KPNA1: variants seen among roughly 807,000 people sequenced by gnomAD.
The protein encoded by KPNA1 is importin subunit alpha-5.
A neutral mutation model predicts 70.5 loss-of-function variants in KPNA1; 10 were observed. The observed-to-expected ratio is 0.14, with a 90% CI of 0.09 to 0.24. The LOEUF (loss-of-function observed/expected upper bound fraction) is 0.24. KPNA1 is among the 10% of genes least tolerant of loss of function. The probability of loss-of-function intolerance (pLI) is 1.00; values close to 1 mark genes in which losing one functional copy is unlikely to be tolerated. For synonymous variants in KPNA1, 192 were observed against 221.9 expected, an observed-to-expected ratio of 0.87 and a Z score of 1.20; for missense variants, 397 against 637.9, an observed-to-expected ratio of 0.62 and a Z score of 4.07.
rs548069332 is a variant in KPNA1 at position 122,424,109 on chromosome 3, T to C, written c.*2876A>G. On this transcript the variant is annotated 3_prime_UTR_variant, in exon 14 of 14. Transcript: ENST00000344337. ...TCCAAAATTCTCTTAATGCTTTTTT[T>C]CCCCCACCAAAGTTCTCATTACAAA... is the stretch of plus-strand genomic sequence containing the variant. 3.8e-4 allele frequency: 58 copies of C among 152,238 alleles called. No individual in the cohort carries two copies. Among genetic ancestry groups the C allele is most frequent in the African/African-American group, 1.3e-3 (54 of 41,528 alleles). The allele number at this position is 152,238 out of a possible 1,614,324, so 9.4% of individuals were successfully genotyped here.
At chr3:122,492,171 T>C (rs2076708204) in intron 2 of KPNA1, among the ~76,000 whole-genome samples, 1 of 152,146 alleles carries the variant, frequency 6.6e-6, no homozygotes, top group African/African-American at 2.4e-5. Context: ...GACCATCACA[T>C]TTTAACTATG....
intron 12 of KPNA1, among the ~76,000 whole-genome samples, chr3:122,429,976 C>A (rs1219053072): frequency 6.6e-6 from 1 of 151,864 alleles, no homozygotes; most frequent in Non-Finnish European, 1.5e-5. Context: ...GTATGTCTGA[C>A]TGAGTTATTT....
chr3:122,505,801 G>A (rs996511667), intron 1 of KPNA1, among the ~76,000 whole-genome samples: 2 of 152,024 alleles, frequency 1.3e-5, no homozygotes, highest in African/African-American at 2.4e-5. Context: ...TATCTGATCC[G>A]ATCTATTCCC....
At chr3:122,472,678 C>T (rs532291009) in intron 2 of KPNA1, among the ~76,000 whole-genome samples, 1 of 152,180 alleles carries the variant, frequency 6.6e-6, no homozygotes, top group South Asian at 2.1e-4. Context: ...AAATCATAAA[C>T]CTCTAGCCAA....
intron 2 of KPNA1, among the ~76,000 whole-genome samples, chr3:122,477,343 G>GATCT (rs1220283855): frequency 3.9e-5 from 6 of 152,282 alleles, no homozygotes; most frequent in Admixed American, 3.9e-4. Context: ...AAGTTCAAGA[G>GATCT]ATCTATTGTA....
intron 4 of KPNA1, 35 bp downstream of exon 4, chr3:122,463,907 G>T: frequency 1.7e-6 from 2 of 1,157,378 alleles, no homozygotes; most frequent in Non-Finnish European, 2.5e-6. Flanking sequence ...TTTGTAGAGA[G>T]ATGAAAAAAT....
At chr3:122,473,939 C>T (rs1022614771) in intron 2 of KPNA1, among the ~76,000 whole-genome samples, 4 of 151,996 alleles carry the variant, frequency 2.6e-5, no homozygotes, top group South Asian at 2.1e-4. Context: ...ATGACACAGT[C>T]GTCCACATGG....
intron 2 of KPNA1, among the ~76,000 whole-genome samples, chr3:122,474,714 C>T (rs182622621): frequency 3.9e-4 from 60 of 152,160 alleles, no homozygotes; most frequent in Admixed American, 1.3e-3. Context: ...TCAACATACG[C>T]AAATCTATGA....
At position 122,476,970 on chromosome 3, in the gene KPNA1, T is replaced by C. The variant is rs144729317; in HGVS notation, c.130-9541A>G. Among the ~76,000 whole-genome samples, 25 of 151,084 alleles carry C rather than the reference T, an allele frequency of 1.7e-4. No individual in the cohort carries two copies. The East Asian group carries it at 4.7e-3, about 28-fold the overall frequency. ...AGGAAGTCAGTATGTCAAAGAGATA[T>C]CTGCACTCCCAGGTTCACTGTAACA... On this transcript the variant is annotated intron_variant, in intron 2 of 13. Coordinates refer to ENST00000344337, the MANE Select transcript of KPNA1 (RefSeq NM_002264.4).
chr3:122,431,225 G>A (rs950639053), intron 12 of KPNA1, among the ~76,000 whole-genome samples: 2 of 152,156 alleles, frequency 1.3e-5, no homozygotes, highest in African/African-American at 2.4e-5. Context: ...GCAGTGGCAC[G>A]ATCTTGTCTC....
intron 2 of KPNA1, among the ~76,000 whole-genome samples, chr3:122,473,341 A>G (rs1371635976): frequency 1.3e-5 from 2 of 152,234 alleles, no homozygotes; most frequent in Non-Finnish European, 2.9e-5. Context: ...CCTACACAAG[A>G]TAGAAGCAGA....
At chr3:122,502,869 G>A (rs2076844816) in intron 1 of KPNA1, among the ~76,000 whole-genome samples, 2 of 152,104 alleles carry the variant, frequency 1.3e-5, no homozygotes, top group Non-Finnish European at 2.9e-5. Flanking sequence ...TGTATTCCCA[G>A]CACTTTGGGA....
chr3:122,457,111 C>T (rs1464717440), intron 5 of KPNA1, among the ~76,000 whole-genome samples: 2 of 102,296 alleles, frequency 2.0e-5, no homozygotes, highest in Non-Finnish European at 4.7e-5. Context: ...AACTGTTAAA[C>T]GTATTTATGT....
chr3:122,451,486 CTTTT>C (rs1191582361), intron 8 of KPNA1, 44 bp downstream of exon 8: 1 of 1,045,800 alleles, frequency 9.6e-7, no homozygotes, highest in Non-Finnish European at 1.4e-6. Context: ...TTGCAATACT[CTTTT>C]AATTGTATTT....
At chr3:122,428,992 C>A (rs2075861625) in intron 12 of KPNA1, among the ~76,000 whole-genome samples, 1 of 152,122 alleles carries the variant, frequency 6.6e-6, no homozygotes. Context: ...ATTATCAAAT[C>A]AAATCCAAGA....
At chr3:122,431,793 TTTC>T (rs1177687345) in intron 12 of KPNA1, among the ~76,000 whole-genome samples, 115 of 150,428 alleles carry the variant, frequency 7.6e-4, no homozygotes, top group Admixed American at 2.4e-3. Context: ...TTATGGTTTA[TTTC>T]TTCTTCTTCT....
At chr3:122,429,465 AAAAAG>A in intron 12 of KPNA1, among the ~76,000 whole-genome samples, 1 of 151,148 alleles carries the variant, frequency 6.6e-6, no homozygotes, top group African/African-American at 2.4e-5. Flanking sequence ...AAAAAAAAAA[AAAAAG>A]AATCTCATTT....
intron 4 of KPNA1, among the ~76,000 whole-genome samples, chr3:122,461,835 G>T (rs915998040): frequency 6.6e-6 from 1 of 152,170 alleles, no homozygotes; most frequent in Non-Finnish European, 1.5e-5. Flanking sequence ...TGATAATACA[G>T]TATCCTATAA....
In KPNA1 at chr3:122,451,530, T is replaced by C; in HGVS notation, c.753+4A>G. The C allele has an allele frequency of 1.3e-6, 2 of 1,587,706 alleles. No homozygotes were observed. Among genetic ancestry groups the C allele is most frequent in the Non-Finnish European group, 1.7e-6 (2 of 1,156,512 alleles). On this transcript the variant is annotated splice_donor_region_variant and intron_variant, in intron 8 of 13. Coordinates refer to ENST00000344337, the MANE Select transcript of KPNA1 (RefSeq NM_002264.4). The stretch of plus-strand genomic sequence containing the variant: ...TGCCAATGTCCCAAAAGCATAGTCC[T>C]TACCTTTGCAAATTCTGGAGGTGGA...
Sources: gnomAD v4.1 joint callset for allele counts (sites outside exome capture counted in the v4.1 genomes callset) on GRCh38, gnomAD v4.1.1 for gene constraint, MANE v1.5 for transcripts, NCBI Gene and HGNC (gene_info 2026-07-23, HGNC 2026-07-21) for gene names.